The following CHCHD6 variants were observed in gnomAD, a reference collection of about 807,000 sequenced individuals.
The protein encoded by CHCHD6 is MICOS complex subunit MIC25.
Under a neutral mutation model 32.3 loss-of-function variants are expected in CHCHD6, and 28 were observed. The observed-to-expected ratio is 0.87, with a 90% CI of 0.64 to 1.19. The LOEUF (loss-of-function observed/expected upper bound fraction) is 1.19, where lower values mean the gene tolerates loss of function less well. Ranked by LOEUF, CHCHD6 falls within the 50% of genes most tolerant of loss-of-function variation. CHCHD6 has a pLI of 0.00. For synonymous variants in CHCHD6, 122 were observed against 117.5 expected (o/e 1.04, Z -0.25); for missense variants, 333 against 307.0 (o/e 1.08, Z -0.63).
chr3:126,905,521 G>T (rs147262101), intron 5 of CHCHD6, among the ~76,000 whole-genome samples: 1 of 139,082 alleles, frequency 7.2e-6, no homozygotes, highest in African/African-American at 2.9e-5. Flanking sequence ...GAGAGGGCCC[G>T]ATCTCACAGG....
intron 4 of CHCHD6, among the ~76,000 whole-genome samples, chr3:126,805,361 T>C (rs867790225): frequency 7.9e-4 from 121 of 152,250 alleles, no homozygotes; most frequent in African/African-American, 2.7e-3. Context: ...AGTCTCAGGA[T>C]ACAAAATCAA....
At chr3:126,876,095 T>C (rs2077535738) in intron 5 of CHCHD6, among the ~76,000 whole-genome samples, 1 of 152,256 alleles carries the variant, frequency 6.6e-6, no homozygotes, top group South Asian at 2.1e-4. Flanking sequence ...TAATGGCTAA[T>C]AATACTTACT....
rs950564389 is a variant in CHCHD6, at chr3:126,743,327, A to T, written c.411+10105A>T. On this transcript the variant is annotated intron_variant, in intron 4 of 7. Coordinates refer to ENST00000290913, the MANE Select transcript of CHCHD6 (RefSeq NM_032343.3). ...ACCTGGGCTTATTTGGATTTTGTGG[A>T]GCCTCCCCCATTACCAAATCACAGG... is the stretch of plus-strand genomic sequence containing the variant. Among the ~76,000 whole-genome samples the T allele has an allele frequency of 6.6e-5, 10 of 152,190 alleles. No individual in the cohort carries two copies. The East Asian group carries it at 1.4e-3, about 21-fold the overall frequency.
chr3:126,837,682 T>C (rs1576475327), intron 4 of CHCHD6, among the ~76,000 whole-genome samples: 1 of 152,372 alleles, frequency 6.6e-6, no homozygotes. Context: ...CTGTTGCTTT[T>C]ATAGATTCAT....
chr3:126,760,859 G>A (rs968404923), intron 4 of CHCHD6, among the ~76,000 whole-genome samples: 13 of 151,878 alleles, frequency 8.6e-5, no homozygotes, highest in Non-Finnish European at 1.8e-4. Context: ...TTTGGAGGCA[G>A]GTCTTGCCCT....
intron 6 of CHCHD6, among the ~76,000 whole-genome samples, chr3:126,936,366 C>A (rs1165608354): frequency 6.6e-6 from 1 of 152,174 alleles, no homozygotes; most frequent in Non-Finnish European, 1.5e-5. Flanking sequence ...CTGCCACATC[C>A]TGTCAGCACT....
intron 5 of CHCHD6, among the ~76,000 whole-genome samples, chr3:126,913,979 T>C (rs1322008672): frequency 6.6e-6 from 1 of 152,170 alleles, no homozygotes; most frequent in Non-Finnish European, 1.5e-5. Flanking sequence ...CAAACCTGGG[T>C]CTGTAGGTGC....
intron 5 of CHCHD6, 33 bp from the exon 6 acceptor site, chr3:126,914,647 C>T: frequency 7.9e-7 from 1 of 1,268,956 alleles, no homozygotes; most frequent in Non-Finnish European, 1.2e-6. Context: ...AAATTTCAGT[C>T]TTTGGTAACC....
intron 4 of CHCHD6, among the ~76,000 whole-genome samples, chr3:126,780,946 G>C (rs1363591294): frequency 6.6e-6 from 1 of 152,126 alleles, no homozygotes; most frequent in Non-Finnish European, 1.5e-5. Context: ...AAGGCATCCA[G>C]TCCTCACATC....
At chr3:126,779,976 T>C (rs1937853301) in intron 4 of CHCHD6, among the ~76,000 whole-genome samples, 1 of 152,222 alleles carries the variant, frequency 6.6e-6, no homozygotes, top group Non-Finnish European at 1.5e-5. Context: ...ACTTAATCAA[T>C]GAAAATGTGA....
At chr3:126,843,053 A>AT (rs746162041) in intron 4 of CHCHD6, among the ~76,000 whole-genome samples, 22 of 151,690 alleles carry the variant, frequency 1.5e-4, no homozygotes, top group Admixed American at 1.3e-3. Context: ...TTATATATAG[A>AT]TTTTTTTGGT....
At chr3:126,836,176 G>A (rs919857378) in intron 4 of CHCHD6, among the ~76,000 whole-genome samples, 11 of 152,212 alleles carry the variant, frequency 7.2e-5, no homozygotes, top group Admixed American at 3.9e-4. Context: ...AAGGCCCTGC[G>A]CCGTTAGGCC....
intron 1 of CHCHD6, among the ~76,000 whole-genome samples, chr3:126,708,046 A>C (rs950370495): frequency 6.6e-6 from 1 of 152,228 alleles, no homozygotes; most frequent in Non-Finnish European, 1.5e-5. Flanking sequence ...GCTAAGGAGG[A>C]AACAAAAAGG....
chr3:126,941,454 A>G (rs549074142), intron 6 of CHCHD6, among the ~76,000 whole-genome samples: 1 of 152,292 alleles, frequency 6.6e-6, no homozygotes, highest in African/African-American at 2.4e-5. Flanking sequence ...TTCTGCCTTG[A>G]TGATCTTTTT....
chr3:126,921,190 C>G (rs2107593946), intron 6 of CHCHD6, among the ~76,000 whole-genome samples: 1 of 152,242 alleles, frequency 6.6e-6, no homozygotes, highest in African/African-American at 2.4e-5. Context: ...TGTTAGGACA[C>G]CAACCTGTAC....
chr3:126,907,629 A>G (rs543667789), intron 5 of CHCHD6, among the ~76,000 whole-genome samples: 5 of 152,302 alleles, frequency 3.3e-5, no homozygotes, highest in African/African-American at 1.2e-4. Context: ...GTTGAGTTCC[A>G]AATCTCCCCA....
chr3:126,857,838 T>TG (rs2107555192), intron 5 of CHCHD6, among the ~76,000 whole-genome samples: 1 of 152,328 alleles, frequency 6.6e-6, no homozygotes, highest in South Asian at 2.1e-4. Flanking sequence ...ACCTAAACTC[T>TG]GAGACACCAT....
intron 6 of CHCHD6, among the ~76,000 whole-genome samples, chr3:126,936,877 G>T (rs2078487399): frequency 6.6e-6 from 1 of 152,208 alleles, no homozygotes. Context: ...TAATGTGGCT[G>T]CTAGAAAACT....
At chr3:126,913,764 T>C (rs895391665) in intron 5 of CHCHD6, among the ~76,000 whole-genome samples, 31 of 152,310 alleles carry the variant, frequency 2.0e-4, no homozygotes, top group Non-Finnish European at 3.4e-4. Context: ...TGCTAGCAGA[T>C]GCGTTAATGT....
Sources: gnomAD v4.1 joint callset for allele counts (sites outside exome capture counted in the v4.1 genomes callset) on GRCh38, gnomAD v4.1.1 for gene constraint, MANE v1.5 for transcripts, NCBI Gene and HGNC (gene_info 2026-07-23, HGNC 2026-07-21) for gene names.